The following SYT1 variants were observed in gnomAD, a reference collection of about 807,000 sequenced individuals.
SYT1 encodes the protein synaptotagmin-1.
In SYT1, 8 loss-of-function variants were observed where a neutral mutation model predicts 44.8. The ratio of observed to expected loss-of-function variants is 0.18; its 90% CI spans 0.10 to 0.32. SYT1 has a LOEUF of 0.32. SYT1 is among the 10% of genes least tolerant of loss of function. The pLI is 1.00. For missense variants in SYT1, 286 were observed against 509.3 expected (o/e 0.56, Z 4.22); for synonymous variants, 154 against 188.8 (o/e 0.82, Z 1.51).
intron 9 of SYT1, among the ~76,000 whole-genome samples, chr12:79,408,743 T>C (rs1258080772): frequency 6.7e-6 from 1 of 149,484 alleles, no homozygotes; most frequent in African/African-American, 2.4e-5. Flanking sequence ...TTTTTTTTTT[T>C]CCAAGTAATA....
intron 1 of SYT1, among the ~76,000 whole-genome samples, chr12:78,948,848 C>T (rs1878807073): frequency 6.6e-6 from 1 of 151,588 alleles, no homozygotes; most frequent in Admixed American, 6.6e-5. Context: ...ATAACATGCC[C>T]TGATAATAAA....
chr12:79,017,928 G>C (rs528836923), intron 2 of SYT1, among the ~76,000 whole-genome samples: 1 of 152,036 alleles, frequency 6.6e-6, no homozygotes, highest in South Asian at 2.1e-4. Flanking sequence ...AAAAAGACTG[G>C]TTTGAAATAA....
intron 9 of SYT1, among the ~76,000 whole-genome samples, chr12:79,386,526 G>A (rs1471436589): frequency 1.3e-5 from 2 of 151,880 alleles, no homozygotes; most frequent in East Asian, 3.9e-4. Context: ...ACAGACCCTG[G>A]TGTGTGATGT....
chr12:79,199,286 T>A (rs1218483726), intron 3 of SYT1, among the ~76,000 whole-genome samples: 1 of 152,132 alleles, frequency 6.6e-6, no homozygotes, highest in Non-Finnish European at 1.5e-5. Context: ...TCTAACACCC[T>A]CTGCAAAATG....
At chr12:78,921,160 T>C (rs1391402308) in intron 1 of SYT1, among the ~76,000 whole-genome samples, 6 of 152,004 alleles carry the variant, frequency 3.9e-5, no homozygotes, top group African/African-American at 1.4e-4. Context: ...TCTCATGTTT[T>C]TACCACTTTA....
At chr12:79,094,638 T>G (rs1292776871) in intron 3 of SYT1, among the ~76,000 whole-genome samples, 1 of 151,908 alleles carries the variant, frequency 6.6e-6, no homozygotes, top group Non-Finnish European at 1.5e-5. Context: ...GTCAAAACCC[T>G]TTATCAATAT....
chr12:78,927,073 A>G (rs1002947271), intron 1 of SYT1, among the ~76,000 whole-genome samples: 1 of 152,114 alleles, frequency 6.6e-6, no homozygotes, highest in Non-Finnish European at 1.5e-5. Context: ...CTGAGGTCTC[A>G]TCTTCCAAAT....
chr12:78,922,853 T>G (rs1326054091), intron 1 of SYT1, among the ~76,000 whole-genome samples: 1 of 151,992 alleles, frequency 6.6e-6, no homozygotes, highest in Non-Finnish European at 1.5e-5. Context: ...TGAAGTACTA[T>G]TACTGTTCCC....
intron 4 of SYT1, among the ~76,000 whole-genome samples, chr12:79,259,328 A>G (rs1004583547): frequency 3.3e-5 from 5 of 152,240 alleles, no homozygotes; most frequent in African/African-American, 9.6e-5. Context: ...TGTTACAAAT[A>G]CAATACCTGA....
chr12:79,335,810 C>A (rs1395508525), intron 8 of SYT1, among the ~76,000 whole-genome samples: 3 of 152,204 alleles, frequency 2.0e-5, no homozygotes, highest in African/African-American at 4.8e-5. Context: ...TAAAGGACAT[C>A]TCTGGCTGTT....
intron 9 of SYT1, among the ~76,000 whole-genome samples, chr12:79,364,492 C>T (rs547976103): frequency 1.3e-5 from 2 of 152,090 alleles, no homozygotes; most frequent in African/African-American, 4.8e-5. Context: ...AAGACCATAC[C>T]GGCTGACAGC....
intron 3 of SYT1, among the ~76,000 whole-genome samples, chr12:79,152,465 C>G (rs1388533216): frequency 6.6e-6 from 1 of 151,982 alleles, no homozygotes; most frequent in Non-Finnish European, 1.5e-5. Context: ...AGAAAAGTGC[C>G]AGCTATCACG....
intron 3 of SYT1, among the ~76,000 whole-genome samples, chr12:79,179,739 G>A (rs865850725): frequency 5.3e-5 from 8 of 151,660 alleles, no homozygotes; most frequent in Admixed American, 3.9e-4. Context: ...AGTTTCTAAC[G>A]TCCTTGATCT....
chr12:79,301,971 A>G (rs1256740068), intron 8 of SYT1, among the ~76,000 whole-genome samples: 1 of 152,164 alleles, frequency 6.6e-6, no homozygotes, highest in African/African-American at 2.4e-5. Context: ...TTTCATTATA[A>G]AGGAAGTAAG....
At chr12:79,217,852 T>C (rs188562966) in intron 4 of SYT1, among the ~76,000 whole-genome samples, 167 bp downstream of exon 4, 353 of 152,236 alleles carry the variant, frequency 2.3e-3, no homozygotes, top group South Asian at 0.018. Context: ...GGAAATGGAA[T>C]ATTCTTCTTG....
intron 3 of SYT1, among the ~76,000 whole-genome samples, chr12:79,192,493 T>C (rs1405503): frequency 0.77 from 116,719 of 152,026 alleles, 45,857 homozygotes; most frequent in African/African-American, 0.94. Context: ...CGGGGAATAC[T>C]GATGAGGATG....
At chr12:78,908,429 G>A (rs1240093650) in intron 1 of SYT1, among the ~76,000 whole-genome samples, 1 of 151,156 alleles carries the variant, frequency 6.6e-6, no homozygotes, top group African/African-American at 2.4e-5. Flanking sequence ...GTTACCTTAA[G>A]GGCACATGGT....
chr12:79,362,819 G>T (rs903294546), intron 9 of SYT1, among the ~76,000 whole-genome samples: 3 of 152,098 alleles, frequency 2.0e-5, no homozygotes, highest in Non-Finnish European at 4.4e-5. Context: ...GATCTCAAAG[G>T]CACCTTTCTA....
intron 9 of SYT1, among the ~76,000 whole-genome samples, chr12:79,440,662 G>A (rs1870357855): frequency 6.6e-6 from 1 of 151,908 alleles, no homozygotes; most frequent in South Asian, 2.1e-4. Context: ...CAATCACAAG[G>A]ACTTCTAAGC....
Sources: gnomAD v4.1 joint callset for allele counts (sites outside exome capture counted in the v4.1 genomes callset) on GRCh38, gnomAD v4.1.1 for gene constraint, MANE v1.5 for transcripts, NCBI Gene and HGNC (gene_info 2026-07-23, HGNC 2026-07-21) for gene names.